The following PLRG1 variants were observed in gnomAD, a reference collection of about 807,000 sequenced individuals.
PLRG1 encodes the protein pleiotropic regulator 1 (PRL1 homolog, Arabidopsis).
In PLRG1, 28 loss-of-function variants were observed where a neutral mutation model predicts 74.9. The ratio of observed to expected loss-of-function variants is 0.37; its 90% CI spans 0.28 to 0.51. The LOEUF (loss-of-function observed/expected upper bound fraction) is 0.51. Ranked by LOEUF, PLRG1 falls within the 20% of genes least tolerant of loss-of-function variation. The probability of loss-of-function intolerance (pLI) is 0.91; values close to 1 mark genes in which losing one functional copy is unlikely to be tolerated. For synonymous variants in PLRG1, 197 were observed against 212.4 expected (o/e 0.93, Z 0.63); for missense variants, 445 against 631.9 (o/e 0.70, Z 3.17).
At position 154,550,282 on chromosome 4, in the gene PLRG1, G is replaced by A. The variant is rs1018964691; in HGVS notation, c.9+18C>T. The A allele has an allele frequency of 2.5e-6, 4 of 1,610,444 alleles. No individual in the cohort carries two copies. The highest frequency in any genetic ancestry group is 3.4e-6 in the Non-Finnish European group (4 of 1,176,590). On this transcript the variant is annotated intron_variant, in intron 1 of 14. Transcript: ENST00000499023. ...GTCCAGAGACAAACGACTCTTGAGA[G>A]CCCCAGTGTCACTTTACCTCGACCA... is the stretch of plus-strand genomic sequence containing the variant.
chr4:154,542,333 A>AC, intron 7 of PLRG1, 54 bp from the exon 8 acceptor site: 3 of 1,081,784 alleles, frequency 2.8e-6, no homozygotes, highest in Non-Finnish European at 4.3e-6. Flanking sequence ...AAATGTATTT[A>AC]AGTTTAACTG....
chr4:154,548,999 G>C (rs1255125282), intron 1 of PLRG1, 64 bp from the exon 2 acceptor site: 3 of 940,476 alleles, frequency 3.2e-6, no homozygotes, highest in Non-Finnish European at 5.2e-6. Flanking sequence ...CCTAAAGTCA[G>C]ATTGATTATA....
rs1212658900 is a variant in PLRG1, at chr4:154,540,782, T to C, written c.837+3A>G. On this transcript the variant is annotated splice_donor_region_variant and intron_variant, in intron 9 of 14. Coordinates refer to ENST00000499023, the MANE Select transcript of PLRG1 (RefSeq NM_002669.4). ...TGTTTTAAATCCTTAACTCCAAACT[T>C]ACCTTATTGTATTCGAGATCCCAGC... The C allele has an allele frequency of 1.2e-5, 20 of 1,612,852 alleles. No individual in the cohort carries two copies. The highest frequency in any genetic ancestry group is 1.6e-5 in the Non-Finnish European group (19 of 1,179,334).
intron 1 of PLRG1, 60 bp from the exon 2 acceptor site, chr4:154,548,995 G>A: frequency 3.1e-6 from 3 of 979,598 alleles, no homozygotes; most frequent in South Asian, 1.3e-5. Context: ...ATAACCTAAA[G>A]TCAGATTGAT....
intron 12 of PLRG1, 121 bp from the exon 13 acceptor site, chr4:154,538,229 A>C (rs1729490465): frequency 4.4e-6 from 2 of 459,558 alleles, no homozygotes; most frequent in Non-Finnish European, 7.9e-6. Flanking sequence ...TATATTCAGC[A>C]AAATAGTCGT....
chr4:154,542,279 C>T lies in PLRG1; in HGVS notation c.595G>A (p.Val199Ile). 6.2e-7 allele frequency: 1 copy of T among 1,604,938 alleles called. No individual in the cohort carries two copies. The highest frequency in any genetic ancestry group is 8.5e-7 in the Non-Finnish European group (1 of 1,171,714). Residue 199 changes from valine (V) to isoleucine (I), a missense_variant and splice_region_variant, in exon 8 of 15, where the codon GTT (valine) becomes ATT (isoleucine). Physicochemically the swap from Val to Ile is conservative, Grantham distance 29. This residue lies in a region of PLRG1 where 206 missense variants were observed against 210.8 expected (regional missense o/e 0.98). Transcript: ENST00000499023. Reference sequence around the variant, plus strand: ...ACCCAGCCAAGATGCCCACTGATAACCTGTATAAAACAAAGTAGAATGGGC... The same window carrying T: ...ACCCAGCCAAGATGCCCACTGATAATCTGTATAAAACAAAGTAGAATGGGC... ...QWHPPWKLYRVISGHLGWVRC... is the reference protein window; with the variant it reads ...QWHPPWKLYRIISGHLGWVRC...
intron 8 of PLRG1, 71 bp downstream of exon 8, chr4:154,542,116 G>A: frequency 2.1e-6 from 2 of 966,674 alleles, no homozygotes; most frequent in Non-Finnish European, 1.7e-6. Flanking sequence ...TCCTGCCACA[G>A]GAAATAATAA....
At chr4:154,546,335 T>C (rs955883187) in intron 4 of PLRG1, 122 bp from the exon 5 acceptor site, 8 of 617,308 alleles carry the variant, frequency 1.3e-5, no homozygotes, top group African/African-American at 5.6e-5. Flanking sequence ...AGTGATATTA[T>C]ACAAATTTGA....
At chr4:154,538,509 G>T (rs1729495587) in intron 12 of PLRG1, among the ~76,000 whole-genome samples, 1 of 151,732 alleles carries the variant, frequency 6.6e-6, no homozygotes, top group Non-Finnish European at 1.5e-5. Flanking sequence ...AGAACAGGAG[G>T]GAGGAGAGGC....
chr4:154,542,304 CA>C, intron 7 of PLRG1, 25 bp from the exon 8 acceptor site: 2 of 1,427,570 alleles, frequency 1.4e-6, no homozygotes, highest in Non-Finnish European at 2.0e-6. Context: ...GTAGAATGGG[CA>C]GGCCAACGTA....
chr4:154,546,770 C>A, intron 4 of PLRG1: 1 of 527,204 alleles, frequency 1.9e-6, no homozygotes, highest in South Asian at 2.6e-5. Flanking sequence ...AATAACTAGG[C>A]CTGCAACAGT....
intron 6 of PLRG1, among the ~76,000 whole-genome samples, chr4:154,544,885 A>G (rs965057923): frequency 6.6e-6 from 1 of 152,214 alleles, no homozygotes; most frequent in Non-Finnish European, 1.5e-5. Flanking sequence ...CAAAGATTTA[A>G]TAAGTAGTAA....
chr4:154,536,031 T>C lies in PLRG1; in HGVS notation c.*654A>G, dbSNP rs11553452. On this transcript the variant is annotated 3_prime_UTR_variant, in exon 15 of 15. Coordinates refer to ENST00000499023, the MANE Select transcript of PLRG1 (RefSeq NM_002669.4). Reference sequence around the variant, plus strand: ...CTTCAAGGTAATCTCCAATGCCACTTACTCTATGAAGTCTTCCACAATCCT... The same window carrying C: ...CTTCAAGGTAATCTCCAATGCCACTCACTCTATGAAGTCTTCCACAATCCT... The C allele has an allele frequency of 0.27, 40,317 of 152,026 alleles. 5,814 individuals are homozygous for C. Among genetic ancestry groups the C allele is most frequent in the Middle Eastern group, 0.37 (110 of 296 alleles). 9.4% of individuals were successfully genotyped at this position (152,026 alleles called of 1,614,324 possible).
chr4:154,542,271 A>G lies in PLRG1; in HGVS notation c.603T>C (p.Ser201=). 1 of 1,609,342 alleles carries G rather than the reference A, an allele frequency of 6.2e-7. No homozygotes were observed. Among genetic ancestry groups the G allele is most frequent in the Non-Finnish European group, 8.5e-7 (1 of 1,175,712 alleles). ...TACATCGAACCCAGCCAAGATGCCC[A>G]CTGATAACCTGTATAAAACAAAGTA... is the stretch of plus-strand genomic sequence containing the variant. ...HPPWKLYRVI[S]GHLGWVRCIA... Residue 201 remains serine, a synonymous_variant, in exon 8 of 15, where the codon AGT becomes AGC. Transcript: ENST00000499023.
chr4:154,538,590 C>G (rs115934947), intron 12 of PLRG1, among the ~76,000 whole-genome samples: 1 of 151,548 alleles, frequency 6.6e-6, no homozygotes, highest in Non-Finnish European at 1.5e-5. Context: ...GAGTAGAAGA[C>G]AGAGAAGAGG....
intron 10 of PLRG1, chr4:154,540,255 TAA>T (rs1729531478): frequency 1.7e-6 from 1 of 585,220 alleles, no homozygotes; most frequent in South Asian, 2.2e-5. Flanking sequence ...TCTAAAAAGC[TAA>T]AAGATCAGGG....
intron 4 of PLRG1, 155 bp downstream of exon 4, chr4:154,546,856 A>C (rs534282724): frequency 1.5e-6 from 1 of 649,168 alleles, no homozygotes; most frequent in Non-Finnish European, 2.8e-6. Context: ...ATGAAGGCAT[A>C]TGAGTATTCA....
Position 154,535,691 on chromosome 4 carries a change from CA to C in PLRG1, c.*993del. 1 of 151,904 alleles carries C rather than the reference CA, an allele frequency of 6.6e-6. No homozygotes were observed. Among genetic ancestry groups the C allele is most frequent in the Non-Finnish European group, 1.5e-5 (1 of 67,922 alleles). The allele number at this position is 151,904 out of a possible 1,614,324, so 9.4% of individuals were successfully genotyped here. On this transcript the variant is annotated 3_prime_UTR_variant, in exon 15 of 15. Coordinates refer to ENST00000499023, the MANE Select transcript of PLRG1 (RefSeq NM_002669.4). ...CAGGATTTATAAAACTTGTATTTAC[CA>C]AAAAGAGGCATCAGTATTAGAAACT...
In PLRG1 at chr4:154,540,866, C is replaced by T. The variant is rs1729544350; in HGVS notation, c.756G>A (p.Val252=). Residue 252 remains valine (V), a synonymous_variant, in exon 9 of 15, where the codon GTG becomes GTA. Transcript: ENST00000499023. ...LTGHISTVRG[V]IVSTRSPYLF... is the part of the protein sequence containing the mutation. ...GATATGGGCTCCTTGTGCTTACTAT[C>T]ACGCCCCGCACAGTACTAATATGCC... is the stretch of plus-strand genomic sequence containing the variant. The T allele has an allele frequency of 1.2e-6, 2 of 1,613,190 alleles. No individual in the cohort carries two copies. The highest frequency in any genetic ancestry group is 1.7e-6 in the Non-Finnish European group (2 of 1,179,312).
Sources: gnomAD v4.1 joint callset for allele counts (sites outside exome capture counted in the v4.1 genomes callset) on GRCh38, gnomAD v4.1.1 for gene constraint, gnomAD v4.1.1 regional missense constraint, MANE v1.5 for transcripts, NCBI Gene and HGNC (gene_info 2026-07-23, HGNC 2026-07-21) for gene names.